PDE10A: variants seen among roughly 807,000 people sequenced by gnomAD.
PDE10A encodes cAMP and cAMP-inhibited cGMP 3',5'-cyclic phosphodiesterase 10A.
Under a neutral mutation model 97.7 loss-of-function variants are expected in PDE10A, and 39 were observed. That is an observed-to-expected ratio of 0.40 (90% confidence interval 0.31 to 0.52). The LOEUF (loss-of-function observed/expected upper bound fraction) is 0.52. Among genes scored for constraint, PDE10A ranks in the 20% least tolerant of loss-of-function variants. PDE10A has a pLI of 0.56. For synonymous variants in PDE10A, 371 were observed against 376.8 expected, an observed-to-expected ratio of 0.98 and a Z score of 0.18; for missense variants, 731 against 1,047.8, an observed-to-expected ratio of 0.70 and a Z score of 4.17.
intron 19 of PDE10A, among the ~76,000 whole-genome samples, chr6:165,341,395 C>A (rs2128179322): frequency 6.6e-6 from 1 of 152,280 alleles, no homozygotes; most frequent in South Asian, 2.1e-4. Flanking sequence ...TTAATGACTG[C>A]ACATTTTCTA....
At chr6:165,576,963 C>T (rs1000162064) in intron 1 of PDE10A, among the ~76,000 whole-genome samples, 2 of 152,206 alleles carry the variant, frequency 1.3e-5, no homozygotes, top group East Asian at 1.9e-4. Flanking sequence ...TTAGCTCTCA[C>T]ACAGAAAAGT....
intron 13 of PDE10A, among the ~76,000 whole-genome samples, chr6:165,413,159 T>C (rs1009260544): frequency 2.0e-5 from 3 of 152,180 alleles, no homozygotes; most frequent in Admixed American, 6.5e-5. Flanking sequence ...ATGAATGCAT[T>C]TGACAAACAG....
intron 15 of PDE10A, among the ~76,000 whole-genome samples, chr6:165,394,567 CT>C (rs1174345622): frequency 1.3e-5 from 2 of 152,036 alleles, no homozygotes; most frequent in East Asian, 3.9e-4. Flanking sequence ...ATTTATAATC[CT>C]TTGGGTATAT....
At chr6:165,716,420 A>G (rs1450644214) in intron 1 of PDE10A, among the ~76,000 whole-genome samples, 1 of 152,200 alleles carries the variant, frequency 6.6e-6, no homozygotes, top group Non-Finnish European at 1.5e-5. Context: ...CTGACTGCAC[A>G]CCTTATCTTC....
chr6:165,926,561 C>G (rs376320226), intron 1 of PDE10A, among the ~76,000 whole-genome samples: 1 of 152,210 alleles, frequency 6.6e-6, no homozygotes, highest in African/African-American at 2.4e-5. Context: ...TGGACACACC[C>G]TATGTTCACA....
intron 13 of PDE10A, among the ~76,000 whole-genome samples, chr6:165,412,584 T>A (rs1787948504): frequency 6.6e-6 from 1 of 152,118 alleles, no homozygotes; most frequent in African/African-American, 2.4e-5. Context: ...CAGGAATGCG[T>A]GAGGAGAGAG....
chr6:165,812,500 A>G (rs1268524526), intron 1 of PDE10A, among the ~76,000 whole-genome samples: 2 of 152,202 alleles, frequency 1.3e-5, no homozygotes, highest in Non-Finnish European at 2.9e-5. Flanking sequence ...TGACTTTTTC[A>G]CACTGACTGC....
chr6:165,595,071 G>C (rs1272492974), intron 1 of PDE10A, among the ~76,000 whole-genome samples: 1 of 152,192 alleles, frequency 6.6e-6, no homozygotes, highest in Non-Finnish European at 1.5e-5. Context: ...CTGAAACCCA[G>C]ATTCTTTGGA....
At chr6:165,619,429 A>ACAGTCTAGTGTAGTC (rs1293736871) in intron 1 of PDE10A, among the ~76,000 whole-genome samples, 1 of 18,824 alleles carries the variant, frequency 5.3e-5, no homozygotes, top group Non-Finnish European at 9.6e-5. Flanking sequence ...GTAGTGTAGT[A>ACAGTCTAGTGTAGTC]TAGTGTAGTG....
chr6:165,532,180 C>T (rs1397981311), intron 2 of PDE10A, among the ~76,000 whole-genome samples: 1 of 152,052 alleles, frequency 6.6e-6, no homozygotes, highest in Non-Finnish European at 1.5e-5. Flanking sequence ...CGTCTCGGGG[C>T]TCTGGGAGAA....
At chr6:165,349,684 A>G in intron 18 of PDE10A, among the ~76,000 whole-genome samples, 1 of 152,178 alleles carries the variant, frequency 6.6e-6, no homozygotes, top group African/African-American at 2.4e-5. Flanking sequence ...TCCCATCACA[A>G]GCCCAGAGGC....
At chr6:165,450,482 C>A in intron 3 of PDE10A, 120 bp from the exon 4 acceptor site, 1 of 420,370 alleles carries the variant, frequency 2.4e-6, no homozygotes, top group Non-Finnish European at 4.2e-6. Context: ...ATTCATTATG[C>A]TTTTATAGCA....
At chr6:165,547,508 C>A (rs1034936250) in intron 1 of PDE10A, among the ~76,000 whole-genome samples, 1 of 147,386 alleles carries the variant, frequency 6.8e-6, no homozygotes, top group South Asian at 2.1e-4. Flanking sequence ...AGATTTAACA[C>A]TGGTACCTGA....
intron 1 of PDE10A, among the ~76,000 whole-genome samples, chr6:165,756,849 G>A (rs1000651121): frequency 3.3e-5 from 5 of 152,024 alleles, no homozygotes; most frequent in African/African-American, 1.2e-4. Flanking sequence ...GTGAAAAACG[G>A]CATCTCAGTG....
Position 165,629,521 on chromosome 6 carries a change from C to CT in PDE10A, c.865+32425dup, listed in dbSNP as rs35760840. Among the ~76,000 whole-genome samples the CT allele has an allele frequency of 6.5e-3, 851 of 131,656 alleles. 4 individuals carry two copies. The highest frequency in any genetic ancestry group is 0.012 in the Middle Eastern group (3 of 254). 86.4% of individuals were successfully genotyped at this position (131,656 alleles called of 152,430 possible). A position where few individuals can be genotyped will look rare whatever the true frequency, so the allele number is the denominator to read the frequency against. On this transcript the variant is annotated intron_variant, in intron 1 of 21. Transcript: ENST00000539869. ...TAGAGAATGAAGGAATATTAACAAC[C>CT]TTTTTTTTTTTTTTTTTTTTTTAAA... is the stretch of plus-strand genomic sequence containing the variant.
intron 1 of PDE10A, among the ~76,000 whole-genome samples, chr6:165,693,443 A>G (rs1170858180): frequency 1.5e-5 from 2 of 137,886 alleles, no homozygotes; most frequent in African/African-American, 5.2e-5. Context: ...AGGCAGGAGA[A>G]TGGCTTGAAC....
chr6:165,735,165 T>C (rs1376014593), intron 1 of PDE10A, among the ~76,000 whole-genome samples: 1 of 151,612 alleles, frequency 6.6e-6, no homozygotes, highest in East Asian at 1.9e-4. Context: ...GGTGGATCAA[T>C]AGGGAGATGA....
intron 1 of PDE10A, among the ~76,000 whole-genome samples, chr6:165,847,053 A>T (rs1001348576): frequency 6.6e-6 from 1 of 152,210 alleles, no homozygotes; most frequent in Non-Finnish European, 1.5e-5. Context: ...GCGGCAGGAG[A>T]CTTTGCCAAC....
At chr6:165,499,742 G>T (rs979937873) in intron 2 of PDE10A, among the ~76,000 whole-genome samples, 5 of 152,096 alleles carry the variant, frequency 3.3e-5, no homozygotes, top group Admixed American at 6.6e-5. Context: ...GCTCATGAAT[G>T]ATTAACTGCT....
Sources: gnomAD v4.1 joint callset for allele counts (sites outside exome capture counted in the v4.1 genomes callset) on GRCh38, gnomAD v4.1.1 for gene constraint, MANE v1.5 for transcripts, NCBI Gene and HGNC (gene_info 2026-07-23, HGNC 2026-07-21) for gene names.